Variants in SMAD6 observed in about 807,000 individuals in gnomAD.
SMAD6 encodes the protein SMAD family member 6.
In SMAD6, 103 loss-of-function variants were observed where a neutral mutation model predicts 39.4. That is an observed-to-expected ratio of 2.62 (90% CI 2.23 to 3.08). The LOEUF (loss-of-function observed/expected upper bound fraction) is 3.08, where lower values mean the gene tolerates loss of function less well. Ranked by LOEUF, SMAD6 falls within the 30% of genes most tolerant of loss-of-function variation. The pLI, the probability that SMAD6 is intolerant of heterozygous loss-of-function variation, is 0.00. For synonymous variants in SMAD6, 445 were observed against 353.3 expected (o/e 1.26, Z -2.91); for missense variants, 1,104 against 742.9 (o/e 1.49, Z -5.65).
In SMAD6 at chr15:66,703,567, C is replaced by A. The variant is rs770065756; in HGVS notation, c.309C>A (p.Ser103=). ...MSEPGAGAGS[S]LLDVAEPGGP... is the part of the protein sequence containing the mutation. ...AGCCAGGGGCCGGCGCTGGGAGCTC[C>A]CTGCTGGACGTGGCGGAGCCGGGAG... The change falls in exon 1 of 4, where the codon TCC becomes TCA. Residue 103 remains serine, a synonymous_variant. Transcript: ENST00000288840. 16 of 1,224,122 alleles carry A rather than the reference C, an allele frequency of 1.3e-5. No homozygotes were observed. 75.8% of individuals were successfully genotyped at this position (1,224,122 alleles called of 1,614,324 possible). A position where few individuals can be genotyped will look rare whatever the true frequency, so the allele number is the denominator to read the frequency against.
intron 3 of SMAD6, among the ~76,000 whole-genome samples, chr15:66,758,253 CT>C (rs2140656012): frequency 6.6e-6 from 1 of 152,330 alleles, no homozygotes; most frequent in African/African-American, 2.4e-5. Flanking sequence ...AATTTAAACA[CT>C]GCTAAAGCAG....
At chr15:66,715,780 AAG>A (rs1404339444) in intron 2 of SMAD6, among the ~76,000 whole-genome samples, 1 of 148,928 alleles carries the variant, frequency 6.7e-6, no homozygotes, top group Non-Finnish European at 1.5e-5. Context: ...AAAAAAAAAA[AAG>A]AACGCCTTAA....
intron 3 of SMAD6, among the ~76,000 whole-genome samples, chr15:66,763,101 GGAC>G (rs1325646390): frequency 3.3e-5 from 5 of 152,292 alleles, no homozygotes; most frequent in African/African-American, 1.2e-4. Flanking sequence ...GCAGCAGCAG[GGAC>G]CCCTTGCACA....
chr15:66,735,116 T>C (rs1334393120), intron 3 of SMAD6, among the ~76,000 whole-genome samples: 1 of 152,182 alleles, frequency 6.6e-6, no homozygotes, highest in Non-Finnish European at 1.5e-5. Flanking sequence ...GGCAGCGTCA[T>C]GATGAGGATG....
At chr15:66,710,754 A>G (rs756177789) in intron 1 of SMAD6, among the ~76,000 whole-genome samples, 3 of 151,442 alleles carry the variant, frequency 2.0e-5, no homozygotes, top group Non-Finnish European at 2.9e-5. Context: ...AAAGCAAAGT[A>G]TATGTTTTTA....
At chr15:66,751,594 C>T (rs984209100) in intron 3 of SMAD6, among the ~76,000 whole-genome samples, 1 of 152,192 alleles carries the variant, frequency 6.6e-6, no homozygotes, top group African/African-American at 2.4e-5. Flanking sequence ...GCTTTCCTGA[C>T]GTGGCAGGCC....
chr15:66,719,763 C>T (rs765513366), intron 3 of SMAD6, among the ~76,000 whole-genome samples: 5 of 152,182 alleles, frequency 3.3e-5, no homozygotes, highest in Non-Finnish European at 7.3e-5. Flanking sequence ...GGCGAGGGGC[C>T]GCAGGAAAGG....
intron 3 of SMAD6, among the ~76,000 whole-genome samples, chr15:66,759,965 C>T (rs895552113): frequency 2.6e-5 from 4 of 152,174 alleles, no homozygotes; most frequent in African/African-American, 7.2e-5. Context: ...GGTCCCCAGG[C>T]GGCCTCTGCA....
At chr15:66,751,004 AACCCAGAGAC>A (rs1351658869) in intron 3 of SMAD6, among the ~76,000 whole-genome samples, 3 of 152,166 alleles carry the variant, frequency 2.0e-5, no homozygotes, top group Non-Finnish European at 4.4e-5. Context: ...GGCCATGAGT[AACCCAGAGAC>A]ACCCCCACCC....
At chr15:66,763,701 G>T (rs7170982) in intron 3 of SMAD6, among the ~76,000 whole-genome samples, 69,267 of 152,048 alleles carry the variant, frequency 0.46, 16,241 homozygotes, top group East Asian at 0.64. Context: ...GAGAACCTGG[G>T]GCCCAGCTAA....
At position 66,703,662 on chromosome 15, in the gene SMAD6, C is replaced by A; in HGVS notation, c.404C>A (p.Ala135Asp). The change falls in exon 1 of 4, where the codon GCC (alanine) becomes GAC (aspartate). Residue 135 changes from alanine (A) to aspartate (D), a missense_variant. Physicochemically the swap from Ala to Asp is moderately radical, Grantham distance 126 (BLOSUM62 -2). Coordinates refer to ENST00000288840, the MANE Select transcript of SMAD6 (RefSeq NM_005585.5). ...TGTCTCTTTTCGGAGCGGGACGCCGCCGGCGCGCCCCGGGACGCCAGCGAC... is the reference window on the plus strand; with the variant it reads ...TGTCTCTTTTCGGAGCGGGACGCCGACGGCGCGCCCCGGGACGCCAGCGAC... ...TCCLFSERDA[A>D]GAPRDASDPL... 1 of 1,231,184 alleles carries A rather than the reference C, an allele frequency of 8.1e-7. No homozygotes were observed. Among genetic ancestry groups the A allele is most frequent in the Non-Finnish European group, 1.0e-6 (1 of 986,176 alleles). 76.3% of individuals were successfully genotyped at this position (1,231,184 alleles called of 1,614,324 possible).
intron 3 of SMAD6, among the ~76,000 whole-genome samples, chr15:66,727,591 C>T (rs769476978): frequency 3.8e-4 from 58 of 152,074 alleles, no homozygotes; most frequent in Non-Finnish European, 7.5e-4. Flanking sequence ...GTGATTCTGG[C>T]AGGGCAGTAA....
chr15:66,702,930 C>G lies in SMAD6; in HGVS notation c.-329C>G, dbSNP rs1893004720. 4.2e-6 allele frequency: 1 copy of G among 236,060 alleles called. No individual in the cohort carries two copies. The highest frequency in any genetic ancestry group is 8.1e-6 in the Non-Finnish European group (1 of 122,770). The allele number at this position is 236,060 out of a possible 1,614,324, so 14.6% of individuals were successfully genotyped here. On this transcript the variant is annotated 5_prime_UTR_variant, in exon 1 of 4. Coordinates refer to ENST00000288840, the MANE Select transcript of SMAD6 (RefSeq NM_005585.5). ...GAAGGCTCGCCGGCCCATGTGGGGT[C>G]TTTCTGGCGGCGCGCCGCCTGCAGC...
intron 3 of SMAD6, among the ~76,000 whole-genome samples, chr15:66,733,032 G>A (rs1893656860): frequency 6.6e-6 from 1 of 151,692 alleles, no homozygotes; most frequent in Admixed American, 6.6e-5. Context: ...TTTTCATATA[G>A]AGGTTGTTCT....
intron 3 of SMAD6, among the ~76,000 whole-genome samples, chr15:66,731,266 G>A (rs1050394126): frequency 5.3e-5 from 8 of 151,450 alleles, no homozygotes; most frequent in Non-Finnish European, 2.9e-5. Flanking sequence ...GTGAAACCCC[G>A]TCTCTACTAA....
At chr15:66,767,959 C>CTTT (rs71142337) in intron 3 of SMAD6, among the ~76,000 whole-genome samples, 625 of 60,294 alleles carry the variant, frequency 0.01, 94 homozygotes, top group African/African-American at 0.028. Flanking sequence ...CAAGCTGCAT[C>CTTT]TTTTTTTTTT....
intron 3 of SMAD6, among the ~76,000 whole-genome samples, chr15:66,728,178 A>G (rs1893556693): frequency 1.3e-5 from 2 of 152,110 alleles, no homozygotes; most frequent in African/African-American, 4.8e-5. Context: ...TTGTGTCACT[A>G]TAGCCCAGAT....
intron 3 of SMAD6, among the ~76,000 whole-genome samples, chr15:66,751,468 C>G (rs982297482): frequency 7.9e-5 from 12 of 152,356 alleles, no homozygotes; most frequent in African/African-American, 2.9e-4. Flanking sequence ...GACCTCCCAT[C>G]AGGCTGTGAG....
In SMAD6 at chr15:66,781,538, G is replaced by C. The variant is rs1567116327; in HGVS notation, c.*3G>C. ...TCCTCCTCAACAACCCCAGATAGTG[G>C]CGGCCCCGGCGGGAGGGGCGGGTGG... On this transcript the variant is annotated 3_prime_UTR_variant, in exon 4 of 4. Coordinates refer to ENST00000288840, the MANE Select transcript of SMAD6 (RefSeq NM_005585.5). 1.3e-6 allele frequency: 2 copies of C among 1,501,432 alleles called. No individual in the cohort carries two copies. The highest frequency in any genetic ancestry group is 2.8e-5 in the African/African-American group (2 of 70,232). 93.0% of individuals were successfully genotyped at this position (1,501,432 alleles called of 1,614,324 possible).
Sources: allele counts gnomAD v4.1 joint callset (sites outside exome capture counted in the v4.1 genomes callset), GRCh38; gene constraint gnomAD v4.1.1; transcripts MANE v1.5; gene names NCBI Gene and HGNC (gene_info 2026-07-23, HGNC 2026-07-21).